Variants in INSC observed in about 807,000 individuals in gnomAD.
INSC encodes the protein INSC spindle orientation adaptor protein, also known as protein inscuteable homolog.
INSC carries 67 observed loss-of-function variants against 58.6 expected under a neutral mutation model. The observed-to-expected ratio is 1.14, with a 90% confidence interval of 0.94 to 1.40. The LOEUF (loss-of-function observed/expected upper bound fraction) is 1.40, where lower values mean the gene tolerates loss of function less well. Ranked by LOEUF, INSC falls within the 40% of genes most tolerant of loss-of-function variation. The probability of loss-of-function intolerance (pLI) is 0.00; values close to 1 mark genes in which losing one functional copy is unlikely to be tolerated. For synonymous variants in INSC, 262 were observed against 276.1 expected, an observed-to-expected ratio of 0.95 and a Z score of 0.51; for missense variants, 714 against 692.0, an observed-to-expected ratio of 1.03 and a Z score of -0.36.
intron 2 of INSC, among the ~76,000 whole-genome samples, chr11:15,167,274 C>T (rs910063040): frequency 1.3e-5 from 2 of 152,014 alleles, no homozygotes; most frequent in African/African-American, 4.8e-5. Context: ...AATGTCTTCC[C>T]TGCCCTGGAC....
chr11:15,233,062 G>C (rs771940695), intron 9 of INSC, among the ~76,000 whole-genome samples: 1 of 152,162 alleles, frequency 6.6e-6, no homozygotes, highest in African/African-American at 2.4e-5. Flanking sequence ...CAGAAGGTTA[G>C]GTAACATGGC....
At chr11:15,136,963 G>A (rs144249021) in intron 1 of INSC, among the ~76,000 whole-genome samples, 4,982 of 152,198 alleles carry the variant, frequency 0.033, 283 homozygotes, top group African/African-American at 0.11. Context: ...GGCAGCTACA[G>A]CCTTACAAAA....
chr11:15,252,134 A>G (rs1852656273), downstream of INSC, among the ~76,000 whole-genome samples: 1 of 152,220 alleles, frequency 6.6e-6, no homozygotes, highest in African/African-American at 2.4e-5. Context: ...ACAAAAGGCA[A>G]CATATTGTAT....
intron 6 of INSC, among the ~76,000 whole-genome samples, chr11:15,192,094 T>C (rs779571031): frequency 2.0e-5 from 3 of 152,216 alleles, no homozygotes; most frequent in Non-Finnish European, 4.4e-5. Context: ...TAACTAATGC[T>C]TCTCAATTAT....
intron 1 of INSC, among the ~76,000 whole-genome samples, chr11:15,118,194 G>GTA (rs1847781419): frequency 1.3e-5 from 2 of 152,178 alleles, no homozygotes; most frequent in African/African-American, 2.4e-5. Context: ...AGGAGCACAT[G>GTA]AAGGGCTTTA....
At chr11:15,159,624 A>C (rs187807435) in intron 2 of INSC, among the ~76,000 whole-genome samples, 10 of 152,352 alleles carry the variant, frequency 6.6e-5, no homozygotes, top group Non-Finnish European at 1.5e-4. Flanking sequence ...AAGCAGTTTA[A>C]CATAACACTT....
chr11:15,147,822 A>G (rs1411991304), intron 1 of INSC, among the ~76,000 whole-genome samples: 1 of 152,148 alleles, frequency 6.6e-6, no homozygotes, highest in Admixed American at 6.5e-5. Context: ...CTTTCTTCCC[A>G]GCATTATGAG....
At chr11:15,129,141 A>G (rs1049523748) in intron 1 of INSC, among the ~76,000 whole-genome samples, 19 of 151,734 alleles carry the variant, frequency 1.3e-4, no homozygotes, top group Admixed American at 1.1e-3. Context: ...TGCCTCCCCA[A>G]CCCCATTCAC....
At chr11:15,124,990 A>G (rs1353912455) in intron 1 of INSC, among the ~76,000 whole-genome samples, 1 of 152,110 alleles carries the variant, frequency 6.6e-6, no homozygotes, top group Non-Finnish European at 1.5e-5. Context: ...ATGCCCTTAG[A>G]GGATTTGGTT....
At chr11:15,254,556 C>T in the INSC span, among the ~76,000 whole-genome samples, 2 of 152,166 alleles carry the variant, frequency 1.3e-5, no homozygotes, top group Admixed American at 1.3e-4. Context: ...CTCCCTGTGC[C>T]TCAGTTGCCT....
intron 1 of INSC, among the ~76,000 whole-genome samples, chr11:15,128,237 A>G (rs1848044897): frequency 1.3e-5 from 2 of 152,198 alleles, no homozygotes; most frequent in African/African-American, 4.8e-5. Context: ...ATCCCGCCAA[A>G]TGGCTGATTT....
chr11:15,132,921 A>G (rs1305915939), intron 1 of INSC, among the ~76,000 whole-genome samples: 1 of 152,072 alleles, frequency 6.6e-6, no homozygotes, highest in Non-Finnish European at 1.5e-5. Flanking sequence ...ATTGCTTTCA[A>G]AATCTTTTGT....
At chr11:15,130,754 A>AT (rs1160651326) in intron 1 of INSC, among the ~76,000 whole-genome samples, 1 of 151,934 alleles carries the variant, frequency 6.6e-6, no homozygotes, top group Non-Finnish European at 1.5e-5. Flanking sequence ...TTATAGATCT[A>AT]TTTTTTCTTG....
chr11:15,138,678 T>A (rs79471102), intron 1 of INSC, among the ~76,000 whole-genome samples: 264 of 152,384 alleles, frequency 1.7e-3, no homozygotes, highest in African/African-American at 6.3e-3. Flanking sequence ...ATCATAAAAC[T>A]TCTTATGGAG....
intron 2 of INSC, among the ~76,000 whole-genome samples, chr11:15,164,240 T>C (rs1002659301): frequency 2.0e-5 from 3 of 152,242 alleles, no homozygotes; most frequent in African/African-American, 7.2e-5. Flanking sequence ...TAACTTTCTG[T>C]TGCTCACTTT....
intron 1 of INSC, among the ~76,000 whole-genome samples, chr11:15,136,423 G>T (rs1848246867): frequency 6.6e-6 from 1 of 151,998 alleles, no homozygotes; most frequent in Non-Finnish European, 1.5e-5. Context: ...AGTAAAGTTT[G>T]CCACATCAAT....
intron 5 of INSC, among the ~76,000 whole-genome samples, chr11:15,182,518 T>C (rs1289119171): frequency 2.0e-5 from 3 of 152,244 alleles, no homozygotes; most frequent in African/African-American, 7.2e-5. Context: ...ACTGTTTTCC[T>C]TTTCCTGCAA....
intron 7 of INSC, among the ~76,000 whole-genome samples, chr11:15,202,906 T>C (rs1023189236): frequency 6.6e-6 from 1 of 152,232 alleles, no homozygotes; most frequent in Non-Finnish European, 1.5e-5. Flanking sequence ...TTTCGCAGTA[T>C]AGACGGCCCA....
the INSC span, among the ~76,000 whole-genome samples, chr11:15,265,104 T>G: frequency 6.6e-6 from 1 of 152,076 alleles, no homozygotes; most frequent in Non-Finnish European, 1.5e-5. Context: ...ATTGTATAGA[T>G]CAGTAGTAAA....
Sources: gnomAD v4.1 joint callset for allele counts (sites outside exome capture counted in the v4.1 genomes callset) on GRCh38, gnomAD v4.1.1 for gene constraint, MANE v1.5 for transcripts, NCBI Gene and HGNC (gene_info 2026-07-23, HGNC 2026-07-21) for gene names.